ZNF565: variants seen among roughly 807,000 people sequenced by gnomAD.
ZNF565 encodes zinc finger protein 565.
Under a neutral mutation model 39.4 loss-of-function variants are expected in ZNF565, and 27 were observed. That is an observed-to-expected ratio of 0.69 (90% CI 0.51 to 0.95). The LOEUF (loss-of-function observed/expected upper bound fraction) is 0.95, where lower values mean the gene tolerates loss of function less well. Among genes scored for constraint, ZNF565 ranks in the 40% least tolerant of loss-of-function variants. The probability of loss-of-function intolerance (pLI) is 0.00; values close to 1 mark genes in which losing one functional copy is unlikely to be tolerated. For synonymous variants in ZNF565, 185 were observed against 216.6 expected, an observed-to-expected ratio of 0.85 and a Z score of 1.28; for missense variants, 524 against 621.1, an observed-to-expected ratio of 0.84 and a Z score of 1.66.
chr19:36,193,186 A>G (rs1473638928), intron 4 of ZNF565, among the ~76,000 whole-genome samples: 1 of 151,494 alleles, frequency 6.6e-6, no homozygotes, highest in Admixed American at 6.6e-5. Context: ...TAGTAGAGAC[A>G]GGGTTTCACC....
Position 36,245,717 on chromosome 19 carries a change from T to A in ZNF565, c.-187A>T, listed in dbSNP as rs2029893919. 5.0e-6 allele frequency: 3 copies of A among 598,262 alleles called. No individual in the cohort carries two copies. Among genetic ancestry groups the A allele is most frequent in the Non-Finnish European group, 9.0e-6 (3 of 334,648 alleles). 37.1% of individuals were successfully genotyped at this position (598,262 alleles called of 1,614,324 possible). A position where few individuals can be genotyped will look rare whatever the true frequency, so the allele number is the denominator to read the frequency against. On this transcript the variant is annotated 5_prime_UTR_variant, in exon 1 of 5. Coordinates refer to the ZNF565 transcript ENST00000355114. This position sits in a 1 kb window ranked among gnomAD's most constrained non-coding sequence, Gnocchi z 4.4. The stretch of plus-strand genomic sequence containing the variant: ...ACCCTCCGTTGACGATGCCTCGAGC[T>A]ATGACCCACCCTGGCTCCGTCCACG...
intron 2 of ZNF565, among the ~76,000 whole-genome samples, chr19:36,199,478 A>G (rs1470390488): frequency 7.2e-6 from 1 of 138,574 alleles, no homozygotes; most frequent in African/African-American, 2.6e-5. Context: ...AAAACATAAC[A>G]CCCTTTTAAA....
chr19:36,228,215 A>G (rs1353090410), intron 1 of ZNF565, among the ~76,000 whole-genome samples: 2 of 151,902 alleles, frequency 1.3e-5, no homozygotes, highest in Non-Finnish European at 2.9e-5. Flanking sequence ...AAAGAGGGTA[A>G]ATAGGACTTC....
At chr19:36,237,934 T>C (rs751079843) in intron 1 of ZNF565, 3 of 167,072 alleles carry the variant, frequency 1.8e-5, no homozygotes. Context: ...AAAAGCTATG[T>C]ACTAAAATGC....
chr19:36,200,833 G>A (rs28396149), intron 2 of ZNF565, among the ~76,000 whole-genome samples: 8,599 of 151,850 alleles, frequency 0.057, 765 homozygotes, highest in African/African-American at 0.19. Flanking sequence ...CGCCCAAGCC[G>A]GAGTGCAGTG....
chr19:36,202,123 T>C, intron 1 of ZNF565, 73 bp from the exon 2 acceptor site: 1 of 811,024 alleles, frequency 1.2e-6, no homozygotes, highest in Non-Finnish European at 2.1e-6. Context: ...CCCAAATAGA[T>C]GAGCTTAAAA....
intron 1 of ZNF565, among the ~76,000 whole-genome samples, chr19:36,212,300 G>A (rs1251737964): frequency 2.6e-5 from 4 of 152,152 alleles, no homozygotes; most frequent in East Asian, 1.9e-4. Flanking sequence ...TTGGCTAGGC[G>A]TGTCAAAGGA....
chr19:36,188,020 C>A (rs1975373256), intron 4 of ZNF565, among the ~76,000 whole-genome samples: 1 of 151,768 alleles, frequency 6.6e-6, no homozygotes, highest in Non-Finnish European at 1.5e-5. Context: ...TTTCAATTCA[C>A]CTTTCTCAGA....
chr19:36,221,523 C>T (rs1029447377), intron 1 of ZNF565, among the ~76,000 whole-genome samples: 6 of 151,808 alleles, frequency 4.0e-5, no homozygotes, highest in Admixed American at 2.0e-4. Context: ...CTCCTGACCT[C>T]GTGATCCACC....
chr19:36,205,345 T>C (rs1409045879), intron 1 of ZNF565, among the ~76,000 whole-genome samples: 1 of 151,992 alleles, frequency 6.6e-6, no homozygotes, highest in East Asian at 1.9e-4. Context: ...CTGGCCAACA[T>C]GGTGAAACTG....
chr19:36,234,046 TTG>T (rs1977527784), intron 1 of ZNF565, among the ~76,000 whole-genome samples: 1 of 152,158 alleles, frequency 6.6e-6, no homozygotes, highest in Non-Finnish European at 1.5e-5. Flanking sequence ...CTGTAGTGTG[TTG>T]TGTCTCTGGG....
Position 36,182,769 on chromosome 19 carries a change from T to C in ZNF565, c.1197A>G (p.Ala399=), listed in dbSNP as rs140355188. The stretch of plus-strand genomic sequence containing the variant: ...GAATGAGGTATGAGCTACGACTAAA[T>C]GCCTTCCCGCAGTCCTTACATTCAT... The part of the protein sequence containing the change: ...RPYECKDCGK[A]FSRSSYLIQH... Residue 399 remains alanine (A), a synonymous_variant, in exon 5 of 5, where the codon GCA becomes GCG. Coordinates refer to ENST00000304116, the MANE Select transcript of ZNF565 (RefSeq NM_152477.5). 2.1e-4 allele frequency: 340 copies of C among 1,614,002 alleles called. 1 individual carries two copies. In the African/African-American group the frequency reaches 4.1e-3, roughly 19 times the overall value.
chr19:36,197,831 T>C (rs1373100982), intron 2 of ZNF565, among the ~76,000 whole-genome samples: 1 of 152,086 alleles, frequency 6.6e-6, no homozygotes, highest in African/African-American at 2.4e-5. Context: ...GCGATACCAC[T>C]GCTGGGTATC....
In ZNF565 at chr19:36,183,336, A is replaced by T. The variant is rs1975156059; in HGVS notation, c.630T>A (p.Leu210=). The change falls in exon 5 of 5, where the codon CTT becomes CTA. Residue 210 remains leucine, a synonymous_variant. Coordinates refer to ENST00000304116, the MANE Select transcript of ZNF565 (RefSeq NM_152477.5). ...CGKAFSRASH[L]VQHQRIHTGE... ...CCGTGTGAATTCTCTGATGCTGAAC[A>T]AGGTGTGAGGCACGGCTGAAGGCCT... 1 of 1,611,614 alleles carries T rather than the reference A, an allele frequency of 6.2e-7. No homozygotes were observed. The highest frequency in any genetic ancestry group is 1.3e-5 in the African/African-American group (1 of 74,596).
At position 36,183,549 on chromosome 19, in the gene ZNF565, G is replaced by C. The variant is rs775632023; in HGVS notation, c.417C>G (p.Asn139Lys). Residue 139 changes from asparagine (N) to lysine (K), a missense_variant, in exon 5 of 5, where the codon AAC becomes AAG. Coordinates refer to ENST00000304116, the MANE Select transcript of ZNF565 (RefSeq NM_152477.5). The stretch of plus-strand genomic sequence containing the variant: ...ACACGGGCATATGTCCATAGGTGAC[G>C]TTCACTTGCTTAAAATAGCACTCTT... ...VNEECYFKQV[N>K]VTYGHMPVFQ... The C allele has an allele frequency of 1.9e-6, 3 of 1,614,096 alleles. No homozygotes were observed. In the East Asian group the frequency reaches 6.7e-5, roughly 36 times the overall value.
At chr19:36,212,099 C>T (rs1015389382) in intron 1 of ZNF565, among the ~76,000 whole-genome samples, 4 of 152,184 alleles carry the variant, frequency 2.6e-5, no homozygotes, top group Admixed American at 6.5e-5. Context: ...GAATTGACCT[C>T]GTGGGTCCCT....
chr19:36,242,477 C>G (rs1029001940), intron 1 of ZNF565, among the ~76,000 whole-genome samples: 1 of 151,862 alleles, frequency 6.6e-6, no homozygotes, highest in African/African-American at 2.4e-5. Flanking sequence ...ACCTGTAATC[C>G]CATCACTTTA....
chr19:36,232,928 G>A (rs1384938970), intron 1 of ZNF565, among the ~76,000 whole-genome samples: 1 of 152,136 alleles, frequency 6.6e-6, no homozygotes, highest in Non-Finnish European at 1.5e-5. Context: ...TATAACAAAT[G>A]CTGAAGGAAT....
chr19:36,230,212 T>C (rs2145438617), intron 1 of ZNF565, among the ~76,000 whole-genome samples: 1 of 152,348 alleles, frequency 6.6e-6, no homozygotes, highest in East Asian at 1.9e-4. Flanking sequence ...GATAAGCACA[T>C]TGCTCTCAAA....
Sources: allele counts gnomAD v4.1 joint callset (sites outside exome capture counted in the v4.1 genomes callset), GRCh38; gene constraint gnomAD v4.1.1; non-coding constraint Gnocchi (gnomAD v3.1); transcripts MANE v1.5; gene names NCBI Gene and HGNC (gene_info 2026-07-23, HGNC 2026-07-21).